CPB2: variants seen among roughly 807,000 people sequenced by gnomAD.
The protein encoded by CPB2 is carboxypeptidase B2.
A neutral mutation model predicts 57.0 loss-of-function variants in CPB2; 54 were observed. The observed-to-expected ratio is 0.95, with a 90% CI of 0.76 to 1.19. The LOEUF (loss-of-function observed/expected upper bound fraction) is 1.19, where lower values mean the gene tolerates loss of function less well. CPB2 is among the 50% of genes most tolerant of loss of function. The pLI, the probability that CPB2 is intolerant of heterozygous loss-of-function variation, is 0.00. For synonymous variants in CPB2, 189 were observed against 178.1 expected, an observed-to-expected ratio of 1.06 and a Z score of -0.49; for missense variants, 426 against 512.0, an observed-to-expected ratio of 0.83 and a Z score of 1.62.
chr13:46,056,932 T>C (rs1203964259), intron 9 of CPB2, among the ~76,000 whole-genome samples: 2 of 152,230 alleles, frequency 1.3e-5, no homozygotes. Flanking sequence ...TCCCTTGATA[T>C]TCTAGTTAGA....
At chr13:46,095,876 C>CTTTTTTTT (rs34686626) in intron 1 of CPB2, among the ~76,000 whole-genome samples, 1 of 85,746 alleles carries the variant, frequency 1.2e-5, no homozygotes, top group Non-Finnish European at 2.2e-5. Flanking sequence ...GGCTATAGGA[C>CTTTTTTTT]TTTTTTTTTT....
chr13:46,083,286 TC>T (rs1186188178), intron 3 of CPB2, among the ~76,000 whole-genome samples: 2 of 152,170 alleles, frequency 1.3e-5, no homozygotes, highest in African/African-American at 4.8e-5. Flanking sequence ...CCTGAAAAAT[TC>T]CTTTATAAGT....
Position 46,053,560 on chromosome 13 carries a change from C to A in CPB2, c.*54G>T. The A allele has an allele frequency of 1.3e-6, 2 of 1,581,246 alleles. No individual in the cohort carries two copies. The highest frequency in any genetic ancestry group is 2.3e-5 in the South Asian group (2 of 87,884). On this transcript the variant is annotated 3_prime_UTR_variant, in exon 11 of 11. Coordinates refer to ENST00000181383, the MANE Select transcript of CPB2 (RefSeq NM_001872.5). ...AAATAATTTGATACAATGATTTGGT[C>A]TTGCTGGAATCAGTAAATTAAAATA...
At chr13:46,099,291 G>A (rs1285230382) in intron 1 of CPB2, 6 of 152,184 alleles carry the variant, frequency 3.9e-5, no homozygotes, top group Non-Finnish European at 8.8e-5. Context: ...ATAAAGCCAG[G>A]ACGAATGGCA....
rs2044612882 is a variant in CPB2, at chr13:46,053,448, C to T, written c.*166G>A. On this transcript the variant is annotated 3_prime_UTR_variant, in exon 11 of 11. Transcript: ENST00000181383. ...GTAAAAAGACATGAACCCTAGTCTG[C>T]CTTAATGGCAAAGTAGCACTTATTA... 2.0e-6 allele frequency: 2 copies of T among 1,019,092 alleles called. No homozygotes were observed. The highest frequency in any genetic ancestry group is 2.7e-6 in the Non-Finnish European group (2 of 735,386). The allele number at this position is 1,019,092 out of a possible 1,614,324, so 63.1% of individuals were successfully genotyped here. A position where few individuals can be genotyped will look rare whatever the true frequency, so the allele number is the denominator to read the frequency against.
intron 7 of CPB2, among the ~76,000 whole-genome samples, chr13:46,065,035 ATT>A (rs2044832749): frequency 6.6e-6 from 1 of 152,224 alleles, no homozygotes; most frequent in South Asian, 2.1e-4. Flanking sequence ...TAGGCTGCTT[ATT>A]AGCCTTCTTG....
At chr13:46,075,488 G>C (rs536082045) in intron 5 of CPB2, among the ~76,000 whole-genome samples, 2 of 152,330 alleles carry the variant, frequency 1.3e-5, no homozygotes, top group Admixed American at 1.3e-4. Flanking sequence ...ACAGGTTCCA[G>C]ATAAGTATGT....
At chr13:46,094,999 T>A (rs2045345630) in intron 1 of CPB2, 1 of 152,118 alleles carries the variant, frequency 6.6e-6, no homozygotes, top group Non-Finnish European at 1.5e-5. Context: ...GGAAATTTCC[T>A]CAGGTAAGTC....
chr13:46,071,264 G>A lies in CPB2; in HGVS notation c.591+2609C>T, dbSNP rs566266387. Among the ~76,000 whole-genome samples the A allele has an allele frequency of 4.6e-5, 7 of 152,062 alleles. 1 individual carries two copies. The South Asian group carries it at 1.5e-3, about 32-fold the overall frequency. On this transcript the variant is annotated intron_variant, in intron 6 of 10. Coordinates refer to ENST00000181383, the MANE Select transcript of CPB2 (RefSeq NM_001872.5). ...ATTAAAATGATATAGATCTGTGTAG[G>A]AACTAGAAATATGCTAAGGTTGAAA... is the stretch of plus-strand genomic sequence containing the variant.
chr13:46,088,265 T>C (rs1335862042), intron 1 of CPB2, among the ~76,000 whole-genome samples: 1 of 152,234 alleles, frequency 6.6e-6, no homozygotes, highest in African/African-American at 2.4e-5. Context: ...CCTTGCCACA[T>C]CACCAGAGGT....
chr13:46,082,653 T>TCACTA, intron 3 of CPB2, 104 bp from the exon 4 acceptor site: 1 of 640,616 alleles, frequency 1.6e-6, no homozygotes, highest in Non-Finnish European at 2.8e-6. Context: ...AAAAAATCAC[T>TCACTA]AAGAAACTTC....
At chr13:46,095,864 C>T (rs2045357777) in intron 1 of CPB2, among the ~76,000 whole-genome samples, 1 of 143,238 alleles carries the variant, frequency 7.0e-6, no homozygotes, top group Non-Finnish European at 1.5e-5. Flanking sequence ...ATGTGTGACT[C>T]TGGCTATAGG....
intron 10 of CPB2, among the ~76,000 whole-genome samples, chr13:46,055,323 A>G (rs562765708): frequency 6.6e-6 from 1 of 152,336 alleles, no homozygotes; most frequent in African/African-American, 2.4e-5. Flanking sequence ...ATTAAAGACA[A>G]TCAACTGTAA....
chr13:46,080,469 G>T (rs1375966027), intron 4 of CPB2, among the ~76,000 whole-genome samples: 2 of 152,224 alleles, frequency 1.3e-5, no homozygotes, highest in African/African-American at 2.4e-5. Flanking sequence ...AGGAGTAGAT[G>T]TTGTACCCCT....
intron 6 of CPB2, among the ~76,000 whole-genome samples, chr13:46,070,914 T>C (rs763678000): frequency 2.6e-5 from 4 of 152,188 alleles, no homozygotes; most frequent in African/African-American, 9.6e-5. Context: ...CAAGGGGATA[T>C]TGAGCACCAA....
intron 6 of CPB2, chr13:46,073,368 A>AT: frequency 2.4e-6 from 1 of 424,354 alleles, no homozygotes; most frequent in Non-Finnish European, 3.2e-6. Flanking sequence ...TGTCTTATAT[A>AT]TGGCTTTTTT....
At chr13:46,087,926 TA>T (rs1201281475) in intron 1 of CPB2, 106 bp from the exon 2 acceptor site, 2 of 687,564 alleles carry the variant, frequency 2.9e-6, no homozygotes, top group East Asian at 5.2e-5. Context: ...AAACAAAATT[TA>T]AAATGTTATT....
rs191429775 is a variant in CPB2 at position 46,082,471 on chromosome 13, C to T, written c.354G>A (p.Ser118=). Residue 118 remains serine, a synonymous_variant, in exon 4 of 11, where the codon TCG becomes TCA. Transcript: ENST00000181383. Reference sequence around the variant, plus strand: ...TTAGTGAGTGATACTGTTCATAGTACGATGCGGAGGCTCGGGGGCTGACTG... The same window carrying T: ...TTAGTGAGTGATACTGTTCATAGTATGATGCGGAGGCTCGGGGGCTGACTG... ...NDTVSPRASA[S]YYEQYHSLNE... 2.2e-5 allele frequency: 36 copies of T among 1,612,806 alleles called. No homozygotes were observed. The highest frequency in any genetic ancestry group is 1.7e-4 in the Middle Eastern group (1 of 6,054).
intron 7 of CPB2, 33 bp downstream of exon 7, chr13:46,067,274 A>G: frequency 1.9e-6 from 2 of 1,080,810 alleles, no homozygotes; most frequent in Non-Finnish European, 2.9e-6. Flanking sequence ...CCCCAAGGAG[A>G]ACATGATTTG....
Sources: gnomAD v4.1 joint callset for allele counts (sites outside exome capture counted in the v4.1 genomes callset) on GRCh38, gnomAD v4.1.1 for gene constraint, MANE v1.5 for transcripts, NCBI Gene and HGNC (gene_info 2026-07-23, HGNC 2026-07-21) for gene names.